YME1L1: variants seen among roughly 807,000 people sequenced by gnomAD.
YME1L1 encodes ATP-dependent zinc metalloprotease YME1L1.
YME1L1 carries 39 observed loss-of-function variants against 90.4 expected under a neutral mutation model. The observed-to-expected ratio is 0.43, with a 90% CI of 0.33 to 0.56. The LOEUF (loss-of-function observed/expected upper bound fraction) is 0.56. Among genes scored for constraint, YME1L1 ranks in the 20% least tolerant of loss-of-function variants. The pLI, the probability that YME1L1 is intolerant of heterozygous loss-of-function variation, is 0.03. For synonymous variants in YME1L1, 284 were observed against 287.3 expected, an observed-to-expected ratio of 0.99 and a Z score of 0.12; for missense variants, 617 against 868.4, an observed-to-expected ratio of 0.71 and a Z score of 3.64.
intron 9 of YME1L1, among the ~76,000 whole-genome samples, chr10:27,124,302 C>A (rs1040577459): frequency 6.6e-6 from 1 of 152,094 alleles, no homozygotes; most frequent in African/African-American, 2.4e-5. Flanking sequence ...ACACAGAAAG[C>A]AAATATGACA....
In YME1L1 at chr10:27,123,033, G is replaced by A. The variant is rs1475894786; in HGVS notation, c.1103-60C>T. The A allele has an allele frequency of 4.5e-6, 7 of 1,556,126 alleles. No individual in the cohort carries two copies. In the East Asian group the frequency reaches 6.8e-5, roughly 15 times the overall value. On this transcript the variant is annotated intron_variant, in intron 10 of 18. Coordinates refer to ENST00000376016, the MANE Select transcript of YME1L1 (RefSeq NM_014263.4). ...GAAAGTCAACACTTTTGAACAAAACGAGATAAATATTAAAATCCTATACAA... is the reference window on the plus strand; with the variant it reads ...GAAAGTCAACACTTTTGAACAAAACAAGATAAATATTAAAATCCTATACAA...
At chr10:27,121,881 G>A (rs1588588022) in intron 11 of YME1L1, among the ~76,000 whole-genome samples, 1 of 151,588 alleles carries the variant, frequency 6.6e-6, no homozygotes, top group South Asian at 2.1e-4. Context: ...GATTACAGGC[G>A]CCTGCCACCA....
At chr10:27,142,340 G>A in intron 4 of YME1L1, 47 bp downstream of exon 4, 2 of 1,124,018 alleles carry the variant, frequency 1.8e-6, no homozygotes, top group Non-Finnish European at 2.4e-6. Context: ...TCAGACTATA[G>A]TAAATAAATA....
In YME1L1 at chr10:27,149,035, T is replaced by C. The variant is rs11538750; in HGVS notation, c.39A>G (p.Thr13=). ...SLSSTVQPQV[T]VPLSHLINAF... ...CATTGATGAGATGACTCAGAGGAAC[T>C]GTAACCTAGAAAAAGATAAAAGTTA... is the stretch of plus-strand genomic sequence containing the variant. Residue 13 remains threonine, a synonymous_variant, in exon 2 of 19, where the codon ACA becomes ACG. Coordinates refer to ENST00000376016, the MANE Select transcript of YME1L1 (RefSeq NM_014263.4). 0.088 allele frequency: 140,297 copies of C among 1,592,628 alleles called. 7,857 individuals carry two copies. Among genetic ancestry groups the C allele is most frequent in the East Asian group, 0.28 (12,343 of 44,646 alleles).
intron 7 of YME1L1, among the ~76,000 whole-genome samples, chr10:27,133,820 T>G (rs1357945867): frequency 1.3e-5 from 2 of 152,174 alleles, no homozygotes; most frequent in African/African-American, 4.8e-5. Flanking sequence ...TAATTAATTT[T>G]CCTTTCACCC....
At chr10:27,121,910 A>G (rs1403219676) in intron 11 of YME1L1, among the ~76,000 whole-genome samples, 1 of 151,862 alleles carries the variant, frequency 6.6e-6, no homozygotes, top group Non-Finnish European at 1.5e-5. Flanking sequence ...TAATTCTTAT[A>G]TTTTTAGTAA....
intron 9 of YME1L1, 50 bp downstream of exon 9, chr10:27,126,646 C>A (rs2056922411): frequency 1.9e-6 from 2 of 1,032,434 alleles, no homozygotes; most frequent in Non-Finnish European, 2.8e-6. Context: ...TTGTTTGTTT[C>A]TTTGTTTTTG....
rs180737638 is a variant in YME1L1 at position 27,124,526 on chromosome 10, A to T, written c.950-827T>A. On this transcript the variant is annotated intron_variant, in intron 9 of 18. Coordinates refer to ENST00000376016, the MANE Select transcript of YME1L1 (RefSeq NM_014263.4). ...ATACATGTTTGCTGCATTTTAACAT[A>T]AAAAAAATTTTAAAGAAAGCTCAAG... is the stretch of plus-strand genomic sequence containing the variant. Among the ~76,000 whole-genome samples the T allele has an allele frequency of 4.2e-3, 635 of 150,274 alleles. 5 individuals are homozygous for T. Among genetic ancestry groups the T allele is most frequent in the African/African-American group, 0.014 (546 of 39,692 alleles).
chr10:27,153,878 T>C (rs2057268980), intron 1 of YME1L1, among the ~76,000 whole-genome samples: 1 of 152,168 alleles, frequency 6.6e-6, no homozygotes, highest in Non-Finnish European at 1.5e-5. Flanking sequence ...CGCCGGACAC[T>C]GAACAATGCC....
At chr10:27,151,610 G>C (rs570472133) in intron 1 of YME1L1, among the ~76,000 whole-genome samples, 1 of 151,254 alleles carries the variant, frequency 6.6e-6, no homozygotes, top group Non-Finnish European at 1.5e-5. Context: ...GTGGGGGCGC[G>C]GTGGCTCACG....
rs2056922800 is a variant in YME1L1, at chr10:27,126,677, T to C, written c.949+19A>G. 3 of 1,328,390 alleles carry C rather than the reference T, an allele frequency of 2.3e-6. No homozygotes were observed. The highest frequency in any genetic ancestry group is 2.1e-4 in the Middle Eastern group (1 of 4,694). The allele number at this position is 1,328,390 out of a possible 1,614,324, so 82.3% of individuals were successfully genotyped here. Reference sequence around the variant, plus strand: ...TTTTGTTTTTTCCATCAAATCATGATAAAGAAAAGATATCTTACCTTTTGG... The same window carrying C: ...TTTTGTTTTTTCCATCAAATCATGACAAAGAAAAGATATCTTACCTTTTGG... On this transcript the variant is annotated intron_variant, in intron 9 of 18. Coordinates refer to ENST00000376016, the MANE Select transcript of YME1L1 (RefSeq NM_014263.4).
At chr10:27,119,759 A>C (rs2056847852) in intron 13 of YME1L1, among the ~76,000 whole-genome samples, 1 of 151,962 alleles carries the variant, frequency 6.6e-6, no homozygotes, top group African/African-American at 2.4e-5. Context: ...CAGTAAGCCA[A>C]GATTGTGCCA....
chr10:27,154,377 C>A lies in YME1L1; in HGVS notation c.-167G>T. On this transcript the variant is annotated 5_prime_UTR_variant, in exon 1 of 19. Coordinates refer to ENST00000376016, the MANE Select transcript of YME1L1 (RefSeq NM_014263.4). ...CCTCCCCTTCCTACAGCTACTGCAA[C>A]GACAGACAATCCGCCCCGGAAGGCG... The A allele has an allele frequency of 1.3e-6, 1 of 769,926 alleles. No individual in the cohort carries two copies. The highest frequency in any genetic ancestry group is 2.8e-5 in the East Asian group (1 of 36,120). The allele number at this position is 769,926 out of a possible 1,614,324, so 47.7% of individuals were successfully genotyped here.
chr10:27,132,010 T>C, intron 7 of YME1L1, 69 bp from the exon 8 acceptor site: 4 of 1,312,380 alleles, frequency 3.0e-6, no homozygotes, highest in Non-Finnish European at 4.3e-6. Context: ...GTTTTTTAGA[T>C]GCAAGAAAGC....
intron 1 of YME1L1, among the ~76,000 whole-genome samples, chr10:27,151,911 G>A (rs556164328): frequency 2.5e-4 from 38 of 151,538 alleles, no homozygotes; most frequent in Non-Finnish European, 5.2e-4. Context: ...ATAAAAAAAA[G>A]TATGCATACC....
At chr10:27,126,121 A>T (rs975397764) in intron 9 of YME1L1, among the ~76,000 whole-genome samples, 1 of 152,112 alleles carries the variant, frequency 6.6e-6, no homozygotes, top group Non-Finnish European at 1.5e-5. Context: ...ATTTATATAT[A>T]CATAAAGAGA....
intron 10 of YME1L1, 99 bp downstream of exon 10, chr10:27,123,448 T>C (rs548439117): frequency 2.9e-6 from 4 of 1,395,530 alleles, no homozygotes; most frequent in Non-Finnish European, 3.9e-6. Context: ...AAATAGAAAT[T>C]AAAAAAAGGA....
intron 5 of YME1L1, 21 bp from the exon 6 acceptor site, chr10:27,135,002 T>G: frequency 6.2e-7 from 1 of 1,607,120 alleles, no homozygotes; most frequent in Non-Finnish European, 8.5e-7. Flanking sequence ...AAACAACACA[T>G]CAGTACTGGT....
chr10:27,114,825 C>T (rs1245063259), intron 17 of YME1L1, among the ~76,000 whole-genome samples: 2 of 151,888 alleles, frequency 1.3e-5, no homozygotes, highest in African/African-American at 2.4e-5. Context: ...GTTAGGAGTT[C>T]GAGACCAGCC....
Sources: gnomAD v4.1 joint callset for allele counts (sites outside exome capture counted in the v4.1 genomes callset) on GRCh38, gnomAD v4.1.1 for gene constraint, MANE v1.5 for transcripts, NCBI Gene and HGNC (gene_info 2026-07-23, HGNC 2026-07-21) for gene names.